Variants in UTY observed in about 807,000 individuals in gnomAD.
UTY encodes ubiquitously transcribed tetratricopeptide repeat containing, Y-linked.
In UTY, 12 loss-of-function variants were observed where a neutral mutation model predicts 32.5. The observed-to-expected ratio is 0.37, with a 90% CI of 0.24 to 0.60. The LOEUF is 0.60. UTY is among the 20% of genes least tolerant of loss of function. The probability of loss-of-function intolerance (pLI) is 0.69; values close to 1 mark genes in which losing one functional copy is unlikely to be tolerated. For missense variants in UTY, 303 were observed against 299.2 expected (o/e 1.01, Z -0.09); for synonymous variants, 131 against 103.4 (o/e 1.27, Z -1.62).
intron 21 of UTY, chrY:13,323,075 T>C (rs754321516): frequency 3.9e-5 from 9 of 228,612 alleles, no homozygotes; most frequent in Non-Finnish European, 4.7e-5. Context: ...TAGCAATGTG[T>C]GTTTTACATA....
At chrY:13,374,927 T>C (rs899343753) in intron 8 of UTY, among the ~76,000 whole-genome samples, 1 of 34,456 alleles carries the variant, frequency 2.9e-5, no homozygotes, top group African/African-American at 1.1e-4. Flanking sequence ...AATGGGGTAT[T>C]TGTAGACTCC....
chrY:13,429,338 G>T, intron 4 of UTY, among the ~76,000 whole-genome samples: 2 of 33,127 alleles, frequency 6.0e-5, no homozygotes, highest in Non-Finnish European at 1.5e-4. Context: ...GTTGAGGTAT[G>T]TTCCTTCATG....
intron 28 of UTY, among the ~76,000 whole-genome samples, chrY:13,255,761 A>C: frequency 3.0e-5 from 1 of 33,648 alleles, no homozygotes; most frequent in Non-Finnish European, 7.4e-5. Context: ...AGCAAGACTG[A>C]ATGGTTTGCA....
chrY:13,458,335 C>G, intron 3 of UTY, among the ~76,000 whole-genome samples: 1 of 32,364 alleles, frequency 3.1e-5, no homozygotes, highest in Non-Finnish European at 7.6e-5. Flanking sequence ...TGAGGAATCG[C>G]CACACTGACT....
intron 28 of UTY, among the ~76,000 whole-genome samples, chrY:13,239,652 A>G: frequency 3.0e-5 from 1 of 33,859 alleles, no homozygotes; most frequent in Non-Finnish European, 7.3e-5. Context: ...CCTTGCAGGA[A>G]AGGTTAGAAT....
chrY:13,283,418 T>G (rs2057162122), intron 27 of UTY, among the ~76,000 whole-genome samples: 1 of 33,632 alleles, frequency 3.0e-5, no homozygotes, highest in Admixed American at 2.7e-4. Context: ...GTGTTTTGTC[T>G]TGAAGAAGCA....
chrY:13,234,258 G>A (rs954893987), downstream of UTY, among the ~76,000 whole-genome samples: 7 of 34,484 alleles, frequency 2.0e-4, no homozygotes, highest in African/African-American at 7.9e-4. Context: ...GCAGCTGTAG[G>A]TGCCGGCATA....
intron 3 of UTY, among the ~76,000 whole-genome samples, chrY:13,455,893 G>C: frequency 3.1e-5 from 1 of 32,675 alleles, no homozygotes; most frequent in Admixed American, 2.9e-4. Flanking sequence ...CCCCTTGTGT[G>C]GGGTGTCAGG....
At chrY:13,245,207 A>G (rs2053935953), downstream of UTY, among the ~76,000 whole-genome samples, 2 of 34,244 alleles carry the variant, frequency 5.8e-5, no homozygotes, top group Admixed American at 2.6e-4. Context: ...AGTTCTAGGT[A>G]TAAGTACCTT....
chrY:13,329,446 G>A (rs771074820), intron 18 of UTY, among the ~76,000 whole-genome samples: 23 of 33,469 alleles, frequency 6.9e-4, no homozygotes, highest in Admixed American at 4.9e-3. Context: ...TTAGGCATGC[G>A]AAATGACTTT....
At chrY:13,415,013 T>C in intron 4 of UTY, among the ~76,000 whole-genome samples, 1 of 31,016 alleles carries the variant, frequency 3.2e-5, no homozygotes, top group Admixed American at 3.0e-4. Flanking sequence ...TTTTTTTTTT[T>C]AATGCACAGC....
At chrY:13,237,559 A>G (rs758202934) in intron 28 of UTY, among the ~76,000 whole-genome samples, 1 of 33,278 alleles carries the variant, frequency 3.0e-5, no homozygotes, top group Admixed American at 2.7e-4. Flanking sequence ...AACCCCACTC[A>G]GTGGGCCCTG....
chrY:13,462,288 A>G (rs1603475169), intron 3 of UTY, among the ~76,000 whole-genome samples: 1 of 33,494 alleles, frequency 3.0e-5, no homozygotes, highest in East Asian at 7.7e-4. Context: ...AGTTATCTGA[A>G]CACTGGTTTT....
intron 21 of UTY, among the ~76,000 whole-genome samples, chrY:13,321,221 C>G: frequency 3.0e-5 from 1 of 32,979 alleles, no homozygotes; most frequent in East Asian, 7.9e-4. Flanking sequence ...CATGATTTGT[C>G]TTTAATGGGA....
chrY:13,361,712 G>A, intron 10 of UTY, among the ~76,000 whole-genome samples: 1 of 33,703 alleles, frequency 3.0e-5, no homozygotes, highest in South Asian at 6.4e-4. Context: ...GTAATGTTCA[G>A]TAAAAACAAC....
chrY:13,443,021 CTCTGTCCT>C (rs2075347903), intron 4 of UTY, among the ~76,000 whole-genome samples: 1 of 33,520 alleles, frequency 3.0e-5, no homozygotes, highest in African/African-American at 1.2e-4. Flanking sequence ...AGGCCTTTGA[CTCTGTCCT>C]ACCATCCTAG....
At chrY:13,425,703 T>C (rs750907102) in intron 4 of UTY, among the ~76,000 whole-genome samples, 2 of 34,225 alleles carry the variant, frequency 5.8e-5, no homozygotes, top group Non-Finnish European at 1.5e-4. Flanking sequence ...AATTTAGTTT[T>C]GCAGCAGCAT....
chrY:13,386,261 C>T, intron 8 of UTY, among the ~76,000 whole-genome samples: 2 of 25,309 alleles, frequency 7.9e-5, no homozygotes, highest in Admixed American at 3.6e-4. Flanking sequence ...CCACTACGCC[C>T]GGCTAATTTT....
At chrY:13,450,406 C>A (rs2076224879) in intron 3 of UTY, among the ~76,000 whole-genome samples, 1 of 33,737 alleles carries the variant, frequency 3.0e-5, no homozygotes, top group Non-Finnish European at 7.3e-5. Flanking sequence ...GATAGGACCA[C>A]TAGACCCACC....
Sources: gnomAD v4.1 joint callset for allele counts (sites outside exome capture counted in the v4.1 genomes callset) on GRCh38, gnomAD v4.1.1 for gene constraint, MANE v1.5 for transcripts, NCBI Gene and HGNC (gene_info 2026-07-23, HGNC 2026-07-21) for gene names.